CEPT1: variants seen among roughly 807,000 people sequenced by gnomAD.
The protein encoded by CEPT1 is choline/ethanolaminephosphotransferase 1.
CEPT1 carries 7 observed loss-of-function variants against 42.6 expected under a neutral mutation model. The observed-to-expected ratio is 0.16, with a 90% CI of 0.09 to 0.31. CEPT1 has a LOEUF of 0.31. CEPT1 is among the 10% of genes least tolerant of loss of function. CEPT1 has a pLI of 1.00. For missense variants in CEPT1, 306 were observed against 502.1 expected (o/e 0.61, Z 3.73); for synonymous variants, 171 against 171.9 (o/e 0.99, Z 0.04).
intron 5 of CEPT1, 43 bp downstream of exon 5, chr1:111,175,006 CT>C: frequency 8.5e-7 from 1 of 1,180,496 alleles, no homozygotes; most frequent in Non-Finnish European, 1.3e-6. Flanking sequence ...TGCATGTTGT[CT>C]TTTGCTTGTG....
intron 2 of CEPT1, among the ~76,000 whole-genome samples, chr1:111,156,567 C>T (rs1182876823): frequency 2.6e-5 from 4 of 151,652 alleles, no homozygotes; most frequent in African/African-American, 7.3e-5. Flanking sequence ...AGCTGATGAG[C>T]GGGGAAAAAA....
At chr1:111,169,954 G>T (rs1464200426) in intron 4 of CEPT1, among the ~76,000 whole-genome samples, 3 of 152,072 alleles carry the variant, frequency 2.0e-5, no homozygotes, top group African/African-American at 7.2e-5. Flanking sequence ...CTACAAAATG[G>T]TGATATTTCC....
At chr1:111,140,405 G>A (rs1426390350) in intron 1 of CEPT1, 98 bp downstream of exon 1, 3 of 152,466 alleles carry the variant, frequency 2.0e-5, no homozygotes, top group African/African-American at 7.2e-5. Flanking sequence ...GGGTCATTAG[G>A]ATATAGCTGT....
chr1:111,139,563 A>AT (rs1258500828), upstream of CEPT1: 2 of 152,234 alleles, frequency 1.3e-5, no homozygotes, highest in African/African-American at 4.8e-5. Flanking sequence ...AGGGTTGAAG[A>AT]TTCTTGGTAA....
At chr1:111,142,804 A>G (rs933499017) in intron 1 of CEPT1, among the ~76,000 whole-genome samples, 1 of 152,214 alleles carries the variant, frequency 6.6e-6, no homozygotes, top group Non-Finnish European at 1.5e-5. Flanking sequence ...AAAAAAACAC[A>G]AACAAACAAA....
At chr1:111,164,709 C>T (rs1211799813) in intron 4 of CEPT1, among the ~76,000 whole-genome samples, 3 of 152,002 alleles carry the variant, frequency 2.0e-5, no homozygotes, top group African/African-American at 7.3e-5. Context: ...CTGCAACCTC[C>T]GCCTCCCGGG....
intron 2 of CEPT1, among the ~76,000 whole-genome samples, chr1:111,152,849 C>T (rs1364308083): frequency 6.6e-6 from 1 of 151,912 alleles, no homozygotes; most frequent in Non-Finnish European, 1.5e-5. Context: ...TATTTTTTTC[C>T]TTCTGATTGA....
intron 2 of CEPT1, among the ~76,000 whole-genome samples, chr1:111,153,661 G>A (rs998287811): frequency 6.6e-6 from 1 of 152,062 alleles, no homozygotes. Flanking sequence ...TGAGAGATAG[G>A]GGTCTAGTTT....
intron 2 of CEPT1, among the ~76,000 whole-genome samples, chr1:111,157,394 A>G (rs974492523): frequency 3.9e-5 from 6 of 152,270 alleles, no homozygotes; most frequent in South Asian, 2.1e-4. Context: ...GTGAGGTCCA[A>G]TATAGTAGCC....
chr1:111,167,138 T>C (rs569843624), intron 4 of CEPT1: 1 of 985,214 alleles, frequency 1.0e-6, no homozygotes, highest in Non-Finnish European at 1.2e-6. Context: ...ATCATAATTA[T>C]AATATGCCAG....
rs564200868 is a variant in CEPT1, at chr1:111,159,205, G to A, written c.340-175G>A. On this transcript the variant is annotated intron_variant, in intron 2 of 8. Coordinates refer to ENST00000357172, the MANE Select transcript of CEPT1 (RefSeq NM_006090.5). ...GCTGGGATTACAGGCGTGAGCCACC[G>A]CGCCCGGCATTCTTTTACAATTCTA... is the stretch of plus-strand genomic sequence containing the variant. Among the ~76,000 whole-genome samples the A allele has an allele frequency of 1.1e-4, 16 of 152,028 alleles. 1 individual carries two copies. Among genetic ancestry groups the A allele is most frequent in the South Asian group, 2.1e-4 (1 of 4,826 alleles).
intron 5 of CEPT1, 75 bp from the exon 6 acceptor site, chr1:111,182,112 T>C (rs1657022847): frequency 8.3e-7 from 1 of 1,211,930 alleles, no homozygotes; most frequent in Non-Finnish European, 1.1e-6. Context: ...TTTGGGAATA[T>C]GAATCAAATA....
At chr1:111,163,821 A>T (rs184948015) in intron 4 of CEPT1, among the ~76,000 whole-genome samples, 1 of 152,320 alleles carries the variant, frequency 6.6e-6, no homozygotes, top group Non-Finnish European at 1.5e-5. Flanking sequence ...GAACAAGGTC[A>T]GCTCTGAAAT....
chr1:111,184,419 G>T lies in CEPT1; in HGVS notation c.*109G>T. On this transcript the variant is annotated 3_prime_UTR_variant, in exon 9 of 9. Coordinates refer to ENST00000357172, the MANE Select transcript of CEPT1 (RefSeq NM_006090.5). ...AATATAATTTATAATAATCAATGTT[G>T]TATAACTTTTATTCTTTATTATTGG... The T allele has an allele frequency of 1.2e-6, 1 of 835,724 alleles. No individual in the cohort carries two copies. Among genetic ancestry groups the T allele is most frequent in the Non-Finnish European group, 1.8e-6 (1 of 567,722 alleles). 51.8% of individuals were successfully genotyped at this position (835,724 alleles called of 1,614,324 possible). A position where few individuals can be genotyped will look rare whatever the true frequency, so the allele number is the denominator to read the frequency against.
chr1:111,176,324 C>T (rs565088553), intron 5 of CEPT1, among the ~76,000 whole-genome samples: 1 of 152,018 alleles, frequency 6.6e-6, no homozygotes, highest in East Asian at 1.9e-4. Context: ...ACAGTTTTGC[C>T]TTATGGGAAG....
rs546747099 is a variant in CEPT1, at chr1:111,146,455, T to C, written c.-73-1187T>C. ...AATCTCTAGCTGTTGACTCTTTTTT[T>C]CTTCTGTTTCCTCACCTCTCATATC... On this transcript the variant is annotated intron_variant, in intron 1 of 8. Coordinates refer to ENST00000357172, the MANE Select transcript of CEPT1 (RefSeq NM_006090.5). Among the ~76,000 whole-genome samples, 25 of 152,286 alleles carry C rather than the reference T, an allele frequency of 1.6e-4. No homozygotes were observed. The South Asian group carries it at 3.1e-3, about 19-fold the overall frequency.
intron 2 of CEPT1, among the ~76,000 whole-genome samples, chr1:111,151,236 C>T (rs1655258925): frequency 6.6e-6 from 1 of 152,024 alleles, no homozygotes; most frequent in Admixed American, 6.5e-5. Context: ...GCGATTTCTC[C>T]TGCCTCAGCC....
At chr1:111,139,743 C>G (rs1654146116), upstream of CEPT1, 1 of 152,372 alleles carries the variant, frequency 6.6e-6, no homozygotes, top group Admixed American at 6.5e-5. Flanking sequence ...TAGGGGAAAC[C>G]AAGGAAGAGA....
At chr1:111,157,191 A>C (rs1392217003) in intron 2 of CEPT1, among the ~76,000 whole-genome samples, 1 of 152,196 alleles carries the variant, frequency 6.6e-6, no homozygotes, top group Non-Finnish European at 1.5e-5. Flanking sequence ...AAAGTCAAGG[A>C]AACTTTTTAT....
Sources: gnomAD v4.1 joint callset for allele counts (sites outside exome capture counted in the v4.1 genomes callset) on GRCh38, gnomAD v4.1.1 for gene constraint, MANE v1.5 for transcripts, NCBI Gene and HGNC (gene_info 2026-07-23, HGNC 2026-07-21) for gene names.